The following ENOX1 variants were observed in gnomAD, a reference collection of about 807,000 sequenced individuals.
ENOX1 encodes the protein ecto-NOX disulfide-thiol exchanger 1, also known as candidate growth-related and time keeping constitutive hydroquinone (NADH) oxidase.
ENOX1 carries 42 observed loss-of-function variants against 82.5 expected under a neutral mutation model. That is an observed-to-expected ratio of 0.51 (90% CI 0.40 to 0.66). ENOX1 has a LOEUF of 0.66. Ranked by LOEUF, ENOX1 falls within the 30% of genes least tolerant of loss-of-function variation. The pLI, the probability that ENOX1 is intolerant of heterozygous loss-of-function variation, is 0.00. For missense variants in ENOX1, 608 were observed against 811.6 expected, an observed-to-expected ratio of 0.75 and a Z score of 3.05; for synonymous variants, 271 against 282.2, an observed-to-expected ratio of 0.96 and a Z score of 0.40.
intron 8 of ENOX1, among the ~76,000 whole-genome samples, chr13:43,349,836 G>C (rs867430099): frequency 1.3e-4 from 19 of 151,992 alleles, no homozygotes; most frequent in Admixed American, 1.1e-3. Flanking sequence ...AAAAGGAATA[G>C]ATGTGATTCT....
rs924918815 is a variant in ENOX1 at position 43,706,003 on chromosome 13, A to T, written c.-284-38459T>A. Among the ~76,000 whole-genome samples, 19 of 152,186 alleles carry T rather than the reference A, an allele frequency of 1.2e-4. 1 individual carries two copies. The highest frequency in any genetic ancestry group is 4.6e-4 in the African/African-American group (19 of 41,568). ...AAGTATTTAATAAGATATCAATATT[A>T]AGAGGTCTAGAAATTACCAGGCCTC... On this transcript the variant is annotated intron_variant, in intron 1 of 16. Coordinates refer to ENST00000690772, the MANE Select transcript of ENOX1 (RefSeq NM_001347969.2).
In ENOX1 at chr13:43,718,881, A is replaced by T. The variant is rs568029281; in HGVS notation, c.-284-51337T>A. Among the ~76,000 whole-genome samples, 4 of 152,206 alleles carry T rather than the reference A, an allele frequency of 2.6e-5. No individual in the cohort carries two copies. In the East Asian group the frequency reaches 7.7e-4, roughly 29 times the overall value. ...AAAGGTTTTACACATTTATAGTTTT[A>T]AAAAAGAATGCACAAGATCTCTATG... On this transcript the variant is annotated intron_variant, in intron 1 of 16. Coordinates refer to ENST00000690772, the MANE Select transcript of ENOX1 (RefSeq NM_001347969.2).
At chr13:43,383,327 G>A (rs1347256862) in intron 5 of ENOX1, among the ~76,000 whole-genome samples, 1 of 152,074 alleles carries the variant, frequency 6.6e-6, no homozygotes, top group East Asian at 1.9e-4. Context: ...GCCATGAGCA[G>A]AATAAGAAAA....
intron 3 of ENOX1, among the ~76,000 whole-genome samples, chr13:43,474,840 G>A (rs2058213237): frequency 2.0e-5 from 3 of 152,002 alleles, no homozygotes; most frequent in Non-Finnish European, 4.4e-5. Flanking sequence ...AATATAGAGT[G>A]ATTTCAGCAG....
chr13:43,291,662 C>G (rs2046006606), intron 12 of ENOX1, among the ~76,000 whole-genome samples: 1 of 152,126 alleles, frequency 6.6e-6, no homozygotes, highest in Non-Finnish European at 1.5e-5. Context: ...CTGCCCCACC[C>G]CAGCCACATG....
chr13:43,768,508 A>C (rs937754663), intron 1 of ENOX1, among the ~76,000 whole-genome samples: 12 of 152,172 alleles, frequency 7.9e-5, no homozygotes, highest in Non-Finnish European at 1.6e-4. Context: ...TTGCAGTCTT[A>C]GCTACTTGGG....
chr13:43,605,326 A>T (rs1401215228), intron 2 of ENOX1, among the ~76,000 whole-genome samples: 4 of 152,178 alleles, frequency 2.6e-5, no homozygotes, highest in Admixed American at 6.5e-5. Context: ...ATTTATATGG[A>T]ACCACAAAAG....
At chr13:43,478,885 A>T (rs2058397353) in intron 3 of ENOX1, among the ~76,000 whole-genome samples, 1 of 152,208 alleles carries the variant, frequency 6.6e-6, no homozygotes, top group South Asian at 2.1e-4. Context: ...TTGGTTTTTC[A>T]TGGAGAGGCT....
At chr13:43,413,526 G>A (rs566215345) in intron 3 of ENOX1, among the ~76,000 whole-genome samples, 2 of 151,922 alleles carry the variant, frequency 1.3e-5, no homozygotes, top group East Asian at 3.9e-4. Context: ...ACAATAGTCA[G>A]GAAAGGCAGA....
At chr13:43,552,645 G>A (rs74065522) in intron 2 of ENOX1, among the ~76,000 whole-genome samples, 1,721 of 152,112 alleles carry the variant, frequency 0.011, 39 homozygotes, top group African/African-American at 0.04. Flanking sequence ...GCACTCCTGG[G>A]TATACACAGT....
In ENOX1 at chr13:43,523,845, A is replaced by G. The variant is rs568726042; in HGVS notation, c.-218-39693T>C. Among the ~76,000 whole-genome samples, 12 of 152,276 alleles carry G rather than the reference A, an allele frequency of 7.9e-5. No individual in the cohort carries two copies. The East Asian group carries it at 2.3e-3, about 29-fold the overall frequency. On this transcript the variant is annotated intron_variant, in intron 2 of 16. Coordinates refer to ENST00000690772, the MANE Select transcript of ENOX1 (RefSeq NM_001347969.2). ...TTAATATAATCAACACAGAAAATGT[A>G]GCCACCCAATCACCAGATTCTCCCT...
chr13:43,556,298 A>C (rs2079433177), intron 2 of ENOX1, among the ~76,000 whole-genome samples: 1 of 152,170 alleles, frequency 6.6e-6, no homozygotes, highest in African/African-American at 2.4e-5. Flanking sequence ...AAGACAAAAG[A>C]AACATTTTGC....
At chr13:43,442,322 AG>A (rs1257341427) in intron 3 of ENOX1, among the ~76,000 whole-genome samples, 4 of 152,254 alleles carry the variant, frequency 2.6e-5, no homozygotes, top group Non-Finnish European at 5.9e-5. Context: ...TCAGTCTAAA[AG>A]CACTAGGCTT....
intron 1 of ENOX1, among the ~76,000 whole-genome samples, chr13:43,704,988 C>T (rs1315198450): frequency 6.6e-6 from 1 of 151,970 alleles, no homozygotes; most frequent in African/African-American, 2.4e-5. Context: ...TCTACCCTAA[C>T]AAAGCCTAAT....
intron 16 of ENOX1, among the ~76,000 whole-genome samples, chr13:43,219,799 G>A (rs1452094174): frequency 1.3e-5 from 2 of 152,232 alleles, no homozygotes; most frequent in African/African-American, 4.8e-5. Context: ...TCTCATCATG[G>A]TTGGCTCCAT....
chr13:43,416,093 CGG>C (rs1566164757), intron 3 of ENOX1, among the ~76,000 whole-genome samples: 4 of 137,636 alleles, frequency 2.9e-5, no homozygotes, highest in East Asian at 2.2e-4. Context: ...CCAGACGGGG[CGG>C]ATGGGCAGAG....
chr13:43,738,142 G>C (rs187643786), intron 1 of ENOX1, among the ~76,000 whole-genome samples: 3 of 152,130 alleles, frequency 2.0e-5, no homozygotes, highest in Non-Finnish European at 2.9e-5. Context: ...AAATTCTTTA[G>C]AGTATGAATA....
At chr13:43,293,580 A>G (rs2046128294) in intron 12 of ENOX1, among the ~76,000 whole-genome samples, 1 of 152,218 alleles carries the variant, frequency 6.6e-6, no homozygotes, top group African/African-American at 2.4e-5. Context: ...TTTGACATAT[A>G]ACATCAGACT....
At chr13:43,346,569 A>G (rs142301760) in intron 8 of ENOX1, among the ~76,000 whole-genome samples, 1 of 152,214 alleles carries the variant, frequency 6.6e-6, no homozygotes. Context: ...CCATTTTGTT[A>G]ACTCTGGAAT....
Sources: gnomAD v4.1 joint callset for allele counts (sites outside exome capture counted in the v4.1 genomes callset) on GRCh38, gnomAD v4.1.1 for gene constraint, MANE v1.5 for transcripts, NCBI Gene and HGNC (gene_info 2026-07-23, HGNC 2026-07-21) for gene names.